The following OSBPL8 variants were observed in gnomAD, a reference collection of about 807,000 sequenced individuals.
OSBPL8 encodes the protein oxysterol-binding protein-related protein 8.
A neutral mutation model predicts 125.5 loss-of-function variants in OSBPL8; 59 were observed. The observed-to-expected ratio is 0.47, with a 90% CI of 0.38 to 0.58. The LOEUF (loss-of-function observed/expected upper bound fraction) is 0.58. Among genes scored for constraint, OSBPL8 ranks in the 20% least tolerant of loss-of-function variants. The probability of loss-of-function intolerance (pLI) is 0.00; values close to 1 mark genes in which losing one functional copy is unlikely to be tolerated. For synonymous variants in OSBPL8, 330 were observed against 338.9 expected (o/e 0.97, Z 0.29); for missense variants, 758 against 1,047.8 (o/e 0.72, Z 3.82).
intron 15 of OSBPL8, among the ~76,000 whole-genome samples, chr12:76,381,403 T>C (rs1254162027): frequency 6.6e-6 from 1 of 152,224 alleles, no homozygotes; most frequent in East Asian, 1.9e-4. Flanking sequence ...AATCAATTTA[T>C]CTGATATAAA....
At chr12:76,451,115 T>C (rs1385054139) in intron 3 of OSBPL8, 127 bp from the exon 4 acceptor site, 1 of 983,472 alleles carries the variant, frequency 1.0e-6, no homozygotes, top group African/African-American at 1.7e-5. Flanking sequence ...ACCAACTCAA[T>C]ACTTTAATAA....
At chr12:76,479,387 T>C (rs983498522) in intron 2 of OSBPL8, among the ~76,000 whole-genome samples, 10 of 152,126 alleles carry the variant, frequency 6.6e-5, no homozygotes, top group African/African-American at 2.4e-4. Context: ...TTTATTGCAT[T>C]AAAAAAATGT....
chr12:76,483,968 C>T (rs74103479), intron 2 of OSBPL8, among the ~76,000 whole-genome samples: 6,565 of 152,118 alleles, frequency 0.043, 511 homozygotes, highest in African/African-American at 0.15. Context: ...AGCCACTGAG[C>T]CCGGCCTTGT....
At chr12:76,476,231 A>G (rs1201162843) in intron 2 of OSBPL8, among the ~76,000 whole-genome samples, 1 of 152,210 alleles carries the variant, frequency 6.6e-6, no homozygotes, top group Non-Finnish European at 1.5e-5. Context: ...TATGTAGGAC[A>G]GTATCAGACA....
intron 15 of OSBPL8, among the ~76,000 whole-genome samples, chr12:76,380,757 A>T (rs891646891): frequency 6.6e-6 from 1 of 152,064 alleles, no homozygotes; most frequent in Non-Finnish European, 1.5e-5. Flanking sequence ...TGCCTACTGC[A>T]TTGGCTAGGA....
chr12:76,546,144 T>C (rs1950777160), intron 1 of OSBPL8, among the ~76,000 whole-genome samples: 1 of 152,198 alleles, frequency 6.6e-6, no homozygotes, highest in African/African-American at 2.4e-5. Context: ...ACCAATTCCC[T>C]GCTTATAGCA....
chr12:76,555,535 G>A (rs183808115), intron 1 of OSBPL8, among the ~76,000 whole-genome samples: 3 of 152,258 alleles, frequency 2.0e-5, no homozygotes, highest in African/African-American at 4.8e-5. Flanking sequence ...GCAGACAAAC[G>A]TTTTAATAAT....
chr12:76,369,108 C>G, intron 21 of OSBPL8, 106 bp downstream of exon 21: 1 of 1,424,950 alleles, frequency 7.0e-7, no homozygotes, highest in Non-Finnish European at 9.3e-7. Context: ...GCGTATTTTG[C>G]TCACCCAAAA....
chr12:76,472,289 A>G, intron 2 of OSBPL8, among the ~76,000 whole-genome samples: 1 of 152,220 alleles, frequency 6.6e-6, no homozygotes, highest in Non-Finnish European at 1.5e-5. Context: ...TCCTGAAACC[A>G]CACATCCAAT....
chr12:76,507,862 T>C (rs1389231571), intron 1 of OSBPL8, among the ~76,000 whole-genome samples: 1 of 148,326 alleles, frequency 6.7e-6, no homozygotes, highest in African/African-American at 2.5e-5. Flanking sequence ...TACATTACAC[T>C]TTTAAAGAAG....
chr12:76,466,194 T>G (rs1875410531), intron 2 of OSBPL8, among the ~76,000 whole-genome samples: 1 of 152,212 alleles, frequency 6.6e-6, no homozygotes, highest in Admixed American at 6.5e-5. Flanking sequence ...AGGATTTTAC[T>G]TATATTTTTC....
chr12:76,558,916 G>C (rs1316021021), intron 1 of OSBPL8, among the ~76,000 whole-genome samples: 1 of 152,192 alleles, frequency 6.6e-6, no homozygotes, highest in African/African-American at 2.4e-5. Flanking sequence ...CTGAGGCTTA[G>C]AGGAACAACA....
At chr12:76,414,465 T>C (rs1269511381) in intron 4 of OSBPL8, among the ~76,000 whole-genome samples, 4 of 148,752 alleles carry the variant, frequency 2.7e-5, no homozygotes, top group South Asian at 2.1e-4. Context: ...TTTTTTTTTT[T>C]TTTTTGAGAC....
At chr12:76,447,248 C>T (rs1001416437) in intron 4 of OSBPL8, among the ~76,000 whole-genome samples, 2 of 152,052 alleles carry the variant, frequency 1.3e-5, no homozygotes, top group South Asian at 2.1e-4. Flanking sequence ...AATGAAAAGA[C>T]GCAACTTTCA....
chr12:76,491,475 T>C (rs1341916117), intron 1 of OSBPL8, among the ~76,000 whole-genome samples: 1 of 152,214 alleles, frequency 6.6e-6, no homozygotes, highest in East Asian at 1.9e-4. Context: ...GGTGAAAACA[T>C]TATTTAATTG....
chr12:76,521,741 T>C (rs988959418), intron 1 of OSBPL8, among the ~76,000 whole-genome samples: 1 of 152,138 alleles, frequency 6.6e-6, no homozygotes, highest in African/African-American at 2.4e-5. Flanking sequence ...GTATCTACAA[T>C]AGCCAAAATT....
At chr12:76,430,765 T>C (rs1870723739) in intron 4 of OSBPL8, among the ~76,000 whole-genome samples, 1 of 152,130 alleles carries the variant, frequency 6.6e-6, no homozygotes, top group African/African-American at 2.4e-5. Flanking sequence ...CCAAGAACAC[T>C]TTAAAACGTG....
chr12:76,478,368 C>A (rs1877064852), intron 2 of OSBPL8, among the ~76,000 whole-genome samples: 1 of 152,124 alleles, frequency 6.6e-6, no homozygotes. Context: ...TTACCCCTCA[C>A]AGATTCTCTG....
chr12:76,478,149 C>T (rs1043021757), intron 2 of OSBPL8, among the ~76,000 whole-genome samples: 3 of 151,972 alleles, frequency 2.0e-5, no homozygotes, highest in Non-Finnish European at 4.4e-5. Flanking sequence ...CTTCAGTGAG[C>T]TGAGACTGCG....
Sources: gnomAD v4.1 joint callset for allele counts (sites outside exome capture counted in the v4.1 genomes callset) on GRCh38, gnomAD v4.1.1 for gene constraint, MANE v1.5 for transcripts, NCBI Gene and HGNC (gene_info 2026-07-23, HGNC 2026-07-21) for gene names.